Variants in ATRNL1 observed in about 807,000 individuals in gnomAD.
ATRNL1 encodes attractin like 1.
In ATRNL1, 95 loss-of-function variants were observed where a neutral mutation model predicts 182.7. That is an observed-to-expected ratio of 0.52 (90% CI 0.44 to 0.62). ATRNL1 has a LOEUF of 0.62. Among genes scored for constraint, ATRNL1 ranks in the 20% least tolerant of loss-of-function variants. The pLI, the probability that ATRNL1 is intolerant of heterozygous loss-of-function variation, is 0.00. For missense variants in ATRNL1, 1,471 were observed against 1,679.5 expected (o/e 0.88, Z 2.17); for synonymous variants, 576 against 568.3 (o/e 1.01, Z -0.19).
chr10:115,264,583 A>AT (rs11378689), intron 10 of ATRNL1, among the ~76,000 whole-genome samples: 1,782 of 151,536 alleles, frequency 0.012, 34 homozygotes, highest in African/African-American at 0.04. Context: ...AATAATACAC[A>AT]TTTTTCTTAA....
chr10:115,880,601 G>A (rs2615892), intron 28 of ATRNL1, among the ~76,000 whole-genome samples: 82,639 of 151,948 alleles, frequency 0.54, 23,255 homozygotes, highest in East Asian at 0.76. Context: ...TCCAGCCTGG[G>A]CAACAGAGTG....
intron 27 of ATRNL1, among the ~76,000 whole-genome samples, chr10:115,744,683 C>T (rs1948238797): frequency 6.6e-6 from 1 of 152,000 alleles, no homozygotes; most frequent in Non-Finnish European, 1.5e-5. Context: ...TAATCAGCCT[C>T]CCACTGTATT....
chr10:115,144,220 T>C (rs1339298320), intron 5 of ATRNL1, among the ~76,000 whole-genome samples: 2 of 152,040 alleles, frequency 1.3e-5, no homozygotes, highest in Non-Finnish European at 2.9e-5. Context: ...CGATCTCGGC[T>C]CACTGCAAGT....
intron 1 of ATRNL1, among the ~76,000 whole-genome samples, chr10:115,097,183 C>T (rs1243998115): frequency 1.3e-5 from 2 of 152,010 alleles, no homozygotes; most frequent in Non-Finnish European, 2.9e-5. Context: ...CTTCATTTCA[C>T]GCATTTAAAA....
chr10:115,094,308 A>G (rs1417732352), intron 1 of ATRNL1, among the ~76,000 whole-genome samples: 1 of 152,166 alleles, frequency 6.6e-6, no homozygotes, highest in African/African-American at 2.4e-5. Flanking sequence ...AGATGTCCGC[A>G]GCGACTTCTG....
chr10:115,613,411 C>T (rs972065577), intron 26 of ATRNL1, among the ~76,000 whole-genome samples: 1 of 152,122 alleles, frequency 6.6e-6, no homozygotes, highest in Non-Finnish European at 1.5e-5. Flanking sequence ...TGTTGATGCT[C>T]TGTTAGATTC....
At chr10:115,587,938 C>T (rs1225958658) in intron 26 of ATRNL1, among the ~76,000 whole-genome samples, 1 of 151,548 alleles carries the variant, frequency 6.6e-6, no homozygotes, top group South Asian at 2.1e-4. Context: ...TTTATTAATT[C>T]AAATTAAATG....
intron 26 of ATRNL1, among the ~76,000 whole-genome samples, chr10:115,689,752 A>T (rs930994032): frequency 3.8e-4 from 58 of 152,296 alleles, no homozygotes; most frequent in Admixed American, 1.0e-3. Context: ...TCACAGCCCC[A>T]GACACAGAGC....
intron 27 of ATRNL1, among the ~76,000 whole-genome samples, chr10:115,762,352 C>T (rs1471165596): frequency 6.6e-6 from 1 of 152,102 alleles, no homozygotes; most frequent in African/African-American, 2.4e-5. Flanking sequence ...TTTGGATGAC[C>T]TCATCCATGA....
intron 19 of ATRNL1, among the ~76,000 whole-genome samples, chr10:115,372,413 T>G (rs1857446412): frequency 6.6e-6 from 1 of 152,186 alleles, no homozygotes; most frequent in Non-Finnish European, 1.5e-5. Context: ...TTTTTAAGCT[T>G]TAATTATCTG....
At chr10:115,820,797 A>G (rs1468039158) in intron 27 of ATRNL1, among the ~76,000 whole-genome samples, 2 of 152,044 alleles carry the variant, frequency 1.3e-5, no homozygotes, top group South Asian at 2.1e-4. Context: ...TTGTGCCTCA[A>G]TTTCCTCATT....
intron 19 of ATRNL1, among the ~76,000 whole-genome samples, chr10:115,345,016 G>A (rs1554939336): frequency 6.6e-6 from 1 of 152,192 alleles, no homozygotes; most frequent in Non-Finnish European, 1.5e-5. Context: ...CTCTTCTCAG[G>A]TGGAAGTTAG....
intron 26 of ATRNL1, among the ~76,000 whole-genome samples, chr10:115,650,480 T>C (rs1015362964): frequency 6.6e-6 from 1 of 152,082 alleles, no homozygotes; most frequent in Non-Finnish European, 1.5e-5. Flanking sequence ...TATGGAGGTA[T>C]CAAATCTGGA....
In ATRNL1 at chr10:115,385,092, G is replaced by A. The variant is rs148924881; in HGVS notation, c.3176-9567G>A. ...TTGCTTTTTGTGCTATCATAAATTT[G>A]TAAACGTATGTGTCACCTTATAGGA... On this transcript the variant is annotated intron_variant, in intron 19 of 28. Coordinates refer to ENST00000355044, the MANE Select transcript of ATRNL1 (RefSeq NM_207303.4). Among the ~76,000 whole-genome samples, 292 of 152,076 alleles carry A rather than the reference G, an allele frequency of 1.9e-3. 2 individuals carry two copies. The highest frequency in any genetic ancestry group is 6.8e-3 in the African/African-American group (281 of 41,524).
chr10:115,328,120 T>C (rs1167027724), intron 18 of ATRNL1, among the ~76,000 whole-genome samples: 1 of 151,956 alleles, frequency 6.6e-6, no homozygotes, highest in Non-Finnish European at 1.5e-5. Flanking sequence ...AAAGAAACAG[T>C]ACCTTAAGCT....
At chr10:115,681,241 T>A (rs553398391) in intron 26 of ATRNL1, among the ~76,000 whole-genome samples, 2 of 152,298 alleles carry the variant, frequency 1.3e-5, no homozygotes, top group African/African-American at 4.8e-5. Context: ...CTATGTCATG[T>A]GTTAATTAGA....
At chr10:115,827,243 T>C (rs1317780383) in intron 27 of ATRNL1, among the ~76,000 whole-genome samples, 1 of 152,182 alleles carries the variant, frequency 6.6e-6, no homozygotes, top group Non-Finnish European at 1.5e-5. Flanking sequence ...TTATAAAAAC[T>C]GTAAACAACT....
chr10:115,657,709 C>T (rs1555036423), intron 26 of ATRNL1, among the ~76,000 whole-genome samples: 1 of 152,102 alleles, frequency 6.6e-6, no homozygotes, highest in East Asian at 1.9e-4. Flanking sequence ...TCATAACGGC[C>T]ACACTGACAC....
intron 26 of ATRNL1, among the ~76,000 whole-genome samples, chr10:115,556,059 C>T (rs187629989): frequency 6.6e-6 from 1 of 152,020 alleles, no homozygotes; most frequent in East Asian, 1.9e-4. Context: ...TTAGAGATAG[C>T]CTGAGTTTGA....
Sources: allele counts gnomAD v4.1 joint callset (sites outside exome capture counted in the v4.1 genomes callset), GRCh38; gene constraint gnomAD v4.1.1; transcripts MANE v1.5; gene names NCBI Gene and HGNC (gene_info 2026-07-23, HGNC 2026-07-21).